BAHCC1: variants seen among roughly 807,000 people sequenced by gnomAD.
BAHCC1 encodes the protein BAH domain and coiled-coil containing 1.
Under a neutral mutation model 88.2 loss-of-function variants are expected in BAHCC1, and 43 were observed. The ratio of observed to expected loss-of-function variants is 0.49; its 90% CI spans 0.38 to 0.63. The LOEUF is 0.63. BAHCC1 is among the 20% of genes least tolerant of loss of function. The pLI is 0.00. For synonymous variants in BAHCC1, 1,510 were observed against 745.5 expected, an observed-to-expected ratio of 2.03 and a Z score of -16.71; for missense variants, 3,023 against 1,654.8, an observed-to-expected ratio of 1.83 and a Z score of -14.34.
rs781954972 is a variant in BAHCC1, at chr17:81,461,319, A to T, written c.6656A>T (p.Lys2219Met). 1 of 727,022 alleles carries T rather than the reference A, an allele frequency of 1.4e-6. No individual in the cohort carries two copies. Among genetic ancestry groups the T allele is most frequent in the South Asian group, 1.5e-5 (1 of 67,288 alleles). 45.0% of individuals were successfully genotyped at this position (727,022 alleles called of 1,614,324 possible). ...GACCACGAGGGTGTGACCTCCCCCA[A>T]GAACAAGACCTGCAAGGCGTTGCTC... ...KLDHEGVTSP[K>M]NKTCKALLMG... Residue 2219 changes from lysine to methionine, a missense_variant, in exon 26 of 28, where the codon AAG becomes ATG. Physicochemically the swap from Lys to Met is moderately conservative, Grantham distance 95 (BLOSUM62 -1). Transcript: ENST00000675386.
At chr17:81,396,632 C>T (rs2063749038) in intron 1 of BAHCC1, 1 of 152,312 alleles carries the variant, frequency 6.6e-6, no homozygotes. Flanking sequence ...GAGTCCTGGT[C>T]TCCGGCAGGC....
chr17:81,462,981 GGCCCGGACAGGTGTGGGGCCCA>G lies in BAHCC1; in HGVS notation c.7620+10_7620+31del, dbSNP rs1555659933. On this transcript the variant is annotated splice_donor_region_variant and intron_variant, in intron 27 of 27. Coordinates refer to ENST00000675386, the MANE Select transcript of BAHCC1 (RefSeq NM_001377448.1). ...AAGAGGCAGTGCGACGGCAAGGTGA[GGCCCGGACAGGTGTGGGGCCCA>G]GCCCCCCTCGGGGCCCCAGGGAGGG... is the stretch of plus-strand genomic sequence containing the variant. 2 of 778,984 alleles carry G rather than the reference GGCCCGGACAGGTGTGGGGCCCA, an allele frequency of 2.6e-6. No homozygotes were observed. The highest frequency in any genetic ancestry group is 3.4e-5 in the African/African-American group (2 of 59,072). 48.3% of individuals were successfully genotyped at this position (778,984 alleles called of 1,614,324 possible). A position where few individuals can be genotyped will look rare whatever the true frequency, so the allele number is the denominator to read the frequency against.
chr17:81,447,736 GC>G lies in BAHCC1; in HGVS notation c.3870del (p.Ser1291AlafsTer42). ...PDPQPPAASG[P>X]PSTVPLPHSS... is the part of the protein sequence containing the mutation. ...ACCCTCAGCCCCCAGCGGCCTCTGGGCCCCCCAGCACAGTCCCCCTGCCTCA... is the reference window on the plus strand; with the variant it reads ...ACCCTCAGCCCCCAGCGGCCTCTGGGCCCCCAGCACAGTCCCCCTGCCTCA... On this transcript the variant is annotated frameshift_variant, in exon 11 of 28. Transcript: ENST00000675386. LOFTEE classifies it high-confidence loss of function. 4.1e-6 allele frequency: 3 copies of G among 734,570 alleles called. No homozygotes were observed. Among genetic ancestry groups the G allele is most frequent in the Non-Finnish European group, 7.6e-6 (3 of 395,322 alleles). The allele number at this position is 734,570 out of a possible 1,614,324, so 45.5% of individuals were successfully genotyped here.
Position 81,434,269 on chromosome 17 carries a change from G to A in BAHCC1, c.359-4101G>A, listed in dbSNP as rs1276468641. Among the ~76,000 whole-genome samples, 1 of 152,200 alleles carries A rather than the reference G, an allele frequency of 6.6e-6. No individual in the cohort carries two copies. The highest frequency in any genetic ancestry group is 1.5e-5 in the Non-Finnish European group (1 of 68,036). On this transcript the variant is annotated intron_variant, in intron 3 of 27. Transcript: ENST00000675386. The surrounding 1 kb of genome is among the most constrained non-coding windows in gnomAD (Gnocchi z 4.9). ...CCCACGTGCACATTCCAGGCTCGGG[G>A]CCACGCCCAGCTGACTGCATGACCC...
chr17:81,408,298 G>T (rs73363735), intron 2 of BAHCC1, among the ~76,000 whole-genome samples: 4,847 of 152,248 alleles, frequency 0.032, 272 homozygotes, highest in African/African-American at 0.11. Flanking sequence ...ATGGGGCACT[G>T]CTTCCTGTCC....
Position 81,445,002 on chromosome 17 carries a change from G to A in BAHCC1, c.2672-13G>A, listed in dbSNP as rs62074828. 14 of 749,812 alleles carry A rather than the reference G, an allele frequency of 1.9e-5. No individual in the cohort carries two copies. The highest frequency in any genetic ancestry group is 3.2e-5 in the Non-Finnish European group (13 of 406,506). The allele number at this position is 749,812 out of a possible 1,614,324, so 46.4% of individuals were successfully genotyped here. Reference sequence around the variant, plus strand: ...CCCCAGCCAGGCTGACCCCTCCTGGGCCCTGCCCACAGCGGATGTCATGGA... The same window carrying A: ...CCCCAGCCAGGCTGACCCCTCCTGGACCCTGCCCACAGCGGATGTCATGGA... On this transcript the variant is annotated splice_polypyrimidine_tract_variant and intron_variant, in intron 8 of 27. Coordinates refer to ENST00000675386, the MANE Select transcript of BAHCC1 (RefSeq NM_001377448.1).
rs1555653844 is a variant in BAHCC1, at chr17:81,444,744, C to T, written c.2589C>T (p.Val863=). The stretch of plus-strand genomic sequence containing the variant: ...CCGTGGCTGGCCCTGTGCCCTCTGT[C>T]TTCCCCCTCCCACAGGACGCCCCCA... ...PASVAGPVPS[V]FPLPQDAPTQ... Residue 863 remains valine, a synonymous_variant, in exon 8 of 28, where the codon GTC becomes GTT. Coordinates refer to ENST00000675386, the MANE Select transcript of BAHCC1 (RefSeq NM_001377448.1). 3 of 778,600 alleles carry T rather than the reference C, an allele frequency of 3.9e-6. No homozygotes were observed. The highest frequency in any genetic ancestry group is 2.4e-5 in the East Asian group (1 of 41,244). The allele number at this position is 778,600 out of a possible 1,614,324, so 48.2% of individuals were successfully genotyped here.
At chr17:81,440,532 C>T (rs183494091) in intron 4 of BAHCC1, among the ~76,000 whole-genome samples, 7 of 152,336 alleles carry the variant, frequency 4.6e-5, no homozygotes, top group African/African-American at 1.7e-4. Context: ...CTTGTCAGCT[C>T]CCTCTGCTCT....
At chr17:81,417,610 C>T (rs553795591) in intron 2 of BAHCC1, among the ~76,000 whole-genome samples, 1 of 137,142 alleles carries the variant, frequency 7.3e-6, no homozygotes, top group African/African-American at 2.7e-5. Context: ...AAGAACCAGA[C>T]TTATATCCGA....
At chr17:81,451,618 G>A (rs1488344867) in intron 11 of BAHCC1, 50 bp from the exon 12 acceptor site, 1 of 736,886 alleles carries the variant, frequency 1.4e-6, no homozygotes, top group East Asian at 2.5e-5. Context: ...AGCCTGTGAG[G>A]GGCAGTGTGT....
intron 2 of BAHCC1, among the ~76,000 whole-genome samples, chr17:81,424,686 G>A (rs1447752925): frequency 6.6e-6 from 1 of 151,186 alleles, no homozygotes; most frequent in Non-Finnish European, 1.5e-5. Flanking sequence ...GCATGGTGGT[G>A]GAGGTGATGT....
At chr17:81,415,732 T>C (rs1370101089) in intron 2 of BAHCC1, 6 of 335,984 alleles carry the variant, frequency 1.8e-5, no homozygotes, top group Non-Finnish European at 3.5e-5. Context: ...ATGCTGGATG[T>C]GGTGATCACA....
rs532320520 is a variant in BAHCC1 at position 81,406,149 on chromosome 17, C to G, written c.178+6232C>G. On this transcript the variant is annotated intron_variant, in intron 2 of 27. Coordinates refer to ENST00000675386, the MANE Select transcript of BAHCC1 (RefSeq NM_001377448.1). ...AGGTTTCCAAAAAGAAGCCCTCCCT[C>G]AAGACAGGCACTGCCTTGTTCCCCT... Among the ~76,000 whole-genome samples the G allele has an allele frequency of 1.5e-3, 236 of 152,364 alleles. 1 individual carries two copies. Among genetic ancestry groups the G allele is most frequent in the Admixed American group, 5.4e-3 (83 of 15,312 alleles).
rs889172394 is a variant in BAHCC1 at position 81,428,762 on chromosome 17, C to T, written c.358+1783C>T. On this transcript the variant is annotated intron_variant, in intron 3 of 27. Coordinates refer to ENST00000675386, the MANE Select transcript of BAHCC1 (RefSeq NM_001377448.1). ...CACTCACTTCCCCTTGTGCCAACGG[C>T]TGCCTGGGCGGAGCTGCCCACATCC... is the stretch of plus-strand genomic sequence containing the variant. Among the ~76,000 whole-genome samples the T allele has an allele frequency of 3.2e-4, 49 of 152,360 alleles. No homozygotes were observed. In the East Asian group the frequency reaches 8.3e-3, roughly 26 times the overall value.
At chr17:81,403,042 TC>T (rs1189854057) in intron 2 of BAHCC1, 2 of 152,162 alleles carry the variant, frequency 1.3e-5, no homozygotes, top group Admixed American at 1.3e-4. Context: ...AGCTGTGAAA[TC>T]TAGGGGGGAG....
intron 24 of BAHCC1, 40 bp downstream of exon 24, chr17:81,460,436 C>G (rs781828660): frequency 1.2e-5 from 9 of 736,514 alleles, no homozygotes; most frequent in Non-Finnish European, 1.8e-5. Flanking sequence ...CCTGCCTGGG[C>G]TCCACTGTGT....
At chr17:81,413,328 C>T (rs1433201503) in intron 2 of BAHCC1, among the ~76,000 whole-genome samples, 1 of 152,222 alleles carries the variant, frequency 6.6e-6, no homozygotes, top group Non-Finnish European at 1.5e-5. Flanking sequence ...GCGTAAGCCC[C>T]GGGCTCACTG....
In BAHCC1 at chr17:81,461,158, C is replaced by T. The variant is rs782228431; in HGVS notation, c.6495C>T (p.Tyr2165=). The change falls in exon 26 of 28, where the codon TAC becomes TAT. Residue 2165 remains tyrosine (Y), a synonymous_variant. Coordinates refer to ENST00000675386, the MANE Select transcript of BAHCC1 (RefSeq NM_001377448.1). ...ADSFSSLASS[Y]APFVGGTGPG... is the part of the protein sequence containing the mutation. ...CCTTCAGCAGCCTGGCCAGCTCCTA[C>T]GCGCCCTTCGTCGGGGGGACCGGGC... 4.5e-5 allele frequency: 34 copies of T among 758,150 alleles called. No homozygotes were observed. Among genetic ancestry groups the T allele is most frequent in the South Asian group, 2.3e-4 (17 of 72,958 alleles). 47.0% of individuals were successfully genotyped at this position (758,150 alleles called of 1,614,324 possible).
intron 3 of BAHCC1, among the ~76,000 whole-genome samples, chr17:81,437,848 G>A (rs753472810): frequency 3.3e-5 from 5 of 152,208 alleles, no homozygotes; most frequent in Admixed American, 3.3e-4. Context: ...GTGGGAACTC[G>A]GCGTCGGATG....
Sources: gnomAD v4.1 joint callset for allele counts (sites outside exome capture counted in the v4.1 genomes callset) on GRCh38, gnomAD v4.1.1 for gene constraint, Gnocchi (gnomAD v3.1) non-coding constraint, MANE v1.5 for transcripts, NCBI Gene and HGNC (gene_info 2026-07-23, HGNC 2026-07-21) for gene names.